Variants in PERM1 observed in about 807,000 individuals in gnomAD.
PERM1 encodes the protein PGC-1 and ERR-induced regulator in muscle protein 1.
A neutral mutation model predicts 44.1 loss-of-function variants in PERM1; 45 were observed. The ratio of observed to expected loss-of-function variants is 1.02; its 90% confidence interval spans 0.80 to 1.31. The LOEUF is 1.31. Among genes scored for constraint, PERM1 ranks in the 50% most tolerant of loss-of-function variants. PERM1 has a pLI of 0.00. For missense variants in PERM1, 1,189 were observed against 1,106.9 expected (o/e 1.07, Z -1.05); for synonymous variants, 565 against 477.1 (o/e 1.18, Z -2.40).
At chr1:976,319 C>T (rs1404361872) in intron 2 of PERM1, 50 bp from the exon 4 acceptor site, 4 of 1,467,202 alleles carry the variant, frequency 2.7e-6, no homozygotes, top group Admixed American at 2.6e-5. Context: ...CTGTCGGCAC[C>T]GTCTGCCCGC....
rs1643593368 is a variant in PERM1, at chr1:976,147, C to G, written c.*25G>C. On this transcript the variant is annotated 3_prime_UTR_variant, in exon 3 of 3. Coordinates refer to ENST00000433179, the Ensembl canonical transcript of PERM1. ...CGCCTGTGGTCGTCTCCTCATCCTG[C>G]ATCTCCCTGGCCCGGGCCTGGCTCC... 4 of 1,544,400 alleles carry G rather than the reference C, an allele frequency of 2.6e-6. No individual in the cohort carries two copies. The South Asian group carries it at 4.8e-5, about 18-fold the overall frequency.
intron 1 of PERM1, 56 bp from the exon 3 acceptor site, chr1:976,680 A>G: frequency 6.6e-7 from 1 of 1,520,312 alleles, no homozygotes; most frequent in Non-Finnish European, 8.9e-7. Context: ...GGCCCCGCAC[A>G]CGCCCGCCCC....
exon 1 of PERM1, chr1:980,712 G>A (rs942203377): frequency 3.9e-5 from 56 of 1,420,172 alleles, no homozygotes; most frequent in Middle Eastern, 2.0e-4. Context: ...CTGCCCGTGC[G>A]GACGTGCTGG....
exon 1 of PERM1, chr1:979,338 G>A: frequency 6.6e-7 from 1 of 1,523,316 alleles, no homozygotes; most frequent in African/African-American, 1.4e-5. Context: ...TCACGGCAGA[G>A]GGAGGGGGGC....
exon 1 of PERM1, chr1:979,318 CCGA>C: frequency 6.5e-7 from 1 of 1,535,100 alleles, no homozygotes; most frequent in Non-Finnish European, 8.8e-7. Context: ...GCTCCCGGGC[CCGA>C]CCCTCGTCAC....
intron 2 of PERM1, 90 bp from the exon 4 acceptor site, chr1:976,359 T>A: frequency 6.8e-7 from 1 of 1,478,368 alleles, no homozygotes; most frequent in Non-Finnish European, 9.0e-7. Flanking sequence ...GCGGGCAAGG[T>A]CGGTGCGGCC....
chr1:981,964 A>G, upstream of PERM1: 1 of 1,029,746 alleles, frequency 9.7e-7, no homozygotes. Flanking sequence ...CTTCCCACCC[A>G]CTGACCTTCG....
chr1:981,172 C>T, upstream of PERM1: 4 of 1,547,728 alleles, frequency 2.6e-6, no homozygotes, highest in Non-Finnish European at 3.5e-6. Flanking sequence ...TCCATCCATG[C>T]CCTGAAAGGA....
chr1:979,079 G>T (rs1453391602), exon 1 of PERM1: 7 of 1,548,860 alleles, frequency 4.5e-6, no homozygotes, highest in Non-Finnish European at 6.1e-6. Flanking sequence ...ATGGGCACGG[G>T]GTCTCCAGGT....
At chr1:976,543 G>T in exon 2 of PERM1, 1 of 1,549,566 alleles carries the variant, frequency 6.5e-7, no homozygotes, top group Non-Finnish European at 8.7e-7. Flanking sequence ...CGTCCTCACA[G>T]CCCAGGTGGC....
chr1:978,908 G>A (rs765531563), exon 1 of PERM1: 11 of 1,501,548 alleles, frequency 7.3e-6, no homozygotes, highest in African/African-American at 1.4e-5. Flanking sequence ...AGGTGGAGCC[G>A]CTCTACCACG....
At chr1:981,456 A>G (rs1374786222), upstream of PERM1, among the ~76,000 whole-genome samples, 2 of 152,190 alleles carry the variant, frequency 1.3e-5, no homozygotes, top group Non-Finnish European at 2.9e-5. Flanking sequence ...CTGTCTTTGC[A>G]CGGCAAAGCA....
chr1:979,166 C>G lies in PERM1; in HGVS notation c.1864G>C (p.Asp622His), dbSNP rs1041839859. Residue 622 changes from aspartate to histidine, a missense_variant, in exon 1 of 3, where the codon GAC (aspartate) becomes CAC (histidine). Coordinates refer to ENST00000433179, the Ensembl canonical transcript of PERM1. ...CGCCTCGACCTCTGGGCTCCAACGT[C>G]TGGGAAGAAGAACTCGCACATGTCC... The G allele has an allele frequency of 4.5e-6, 7 of 1,549,962 alleles. No homozygotes were observed. The East Asian group carries it at 1.5e-4, about 32-fold the overall frequency.
chr1:978,691 C>G (rs1643693207), intron 1 of PERM1, among the ~76,000 whole-genome samples, 190 bp downstream of exon 2: 1 of 152,212 alleles, frequency 6.6e-6, no homozygotes, highest in African/African-American at 2.4e-5. Flanking sequence ...CCTGAACAAC[C>G]CGGGTGCTTG....
chr1:979,378 T>G (rs1570072648), exon 1 of PERM1: 1 of 1,505,076 alleles, frequency 6.6e-7, no homozygotes, highest in Non-Finnish European at 8.9e-7. Flanking sequence ...CCGAGGCTGG[T>G]GGGGCCGGGG....
At chr1:975,966 G>A in exon 3 of PERM1, 2 of 566,038 alleles carry the variant, frequency 3.5e-6, no homozygotes, top group South Asian at 2.4e-5. Context: ...CCAGACTTTA[G>A]CACCTCCCTC....
chr1:980,806 T>C (rs1570077490), exon 1 of PERM1: 1 of 1,398,230 alleles, frequency 7.2e-7, no homozygotes, highest in East Asian at 2.7e-5. Flanking sequence ...GTCCTCCTCC[T>C]CGCAGCCCCG....
intron 1 of PERM1, among the ~76,000 whole-genome samples, chr1:978,268 G>A (rs943815577): frequency 1.3e-5 from 2 of 149,546 alleles, no homozygotes; most frequent in Non-Finnish European, 1.5e-5. Context: ...TCCATCATGG[G>A]ACATGTCTGT....
At chr1:976,380 C>T in intron 2 of PERM1, 111 bp from the exon 4 acceptor site, 1 of 1,500,598 alleles carries the variant, frequency 6.7e-7, no homozygotes, top group Non-Finnish European at 8.9e-7. Context: ...AGGGCCGCAG[C>T]TCAGCCTGGG....
Sources: allele counts gnomAD v4.1 joint callset (sites outside exome capture counted in the v4.1 genomes callset), GRCh38; gene constraint gnomAD v4.1.1; transcripts MANE v1.5; gene names NCBI Gene and HGNC (gene_info 2026-07-23, HGNC 2026-07-21).